Variants in MYT1L observed in about 807,000 individuals in gnomAD.
MYT1L encodes the protein myelin transcription factor 1-like protein.
MYT1L carries 12 observed loss-of-function variants against 126.7 expected under a neutral mutation model. The ratio of observed to expected loss-of-function variants is 0.09; its 90% CI spans 0.06 to 0.15. The LOEUF (loss-of-function observed/expected upper bound fraction) is 0.15, where lower values mean the gene tolerates loss of function less well. Among genes scored for constraint, MYT1L ranks in the 10% least tolerant of loss-of-function variants. MYT1L has a pLI of 1.00. For missense variants in MYT1L, 979 were observed against 1,585.2 expected (o/e 0.62, Z 6.49); for synonymous variants, 541 against 604.2 (o/e 0.90, Z 1.53).
intron 3 of MYT1L, among the ~76,000 whole-genome samples, chr2:2,072,617 C>T (rs2074734242): frequency 6.6e-6 from 1 of 152,034 alleles, no homozygotes; most frequent in South Asian, 2.1e-4. Flanking sequence ...GCTCTGTGTC[C>T]CCGCGCAAAT....
chr2:2,079,042 C>T (rs1461175679), intron 3 of MYT1L, among the ~76,000 whole-genome samples: 1 of 152,110 alleles, frequency 6.6e-6, no homozygotes, highest in Non-Finnish European at 1.5e-5. Context: ...CAAATGCCTG[C>T]CTATGAGGAA....
At chr2:2,133,269 C>T (rs913860772) in intron 3 of MYT1L, among the ~76,000 whole-genome samples, 4 of 152,172 alleles carry the variant, frequency 2.6e-5, no homozygotes, top group Non-Finnish European at 4.4e-5. Context: ...CTCCTACATA[C>T]AGTTAGTGTC....
At chr2:1,930,410 A>G (rs2054796321) in intron 9 of MYT1L, among the ~76,000 whole-genome samples, 1 of 152,226 alleles carries the variant, frequency 6.6e-6, no homozygotes, top group African/African-American at 2.4e-5. Flanking sequence ...AAATGCAGAC[A>G]TAATCTGATT....
intron 21 of MYT1L, among the ~76,000 whole-genome samples, chr2:1,812,648 C>T (rs1171794555): frequency 2.6e-5 from 4 of 152,014 alleles, no homozygotes; most frequent in East Asian, 1.9e-4. Flanking sequence ...GAGGCCGAGG[C>T]GGACAGATCA....
intron 3 of MYT1L, among the ~76,000 whole-genome samples, chr2:2,076,219 T>C (rs2075211483): frequency 6.6e-6 from 1 of 152,108 alleles, no homozygotes; most frequent in South Asian, 2.1e-4. Context: ...TCTCACACTC[T>C]TGGGAATCTA....
chr2:1,887,176 A>AC lies in MYT1L; in HGVS notation c.2642+311_2642+312insG. On this transcript the variant is annotated intron_variant, in intron 17 of 24. Coordinates refer to ENST00000647738, the MANE Select transcript of MYT1L (RefSeq NM_001303052.2). This position sits in a 1 kb window ranked among gnomAD's most constrained non-coding sequence, Gnocchi z 4.8. ...AAATAGTAAGTATGTTTAAAAAAAA[A>AC]AAAAACTTTTAAAAAAGTTTCATTG... The AC allele has an allele frequency of 2.4e-6, 1 of 420,870 alleles. No individual in the cohort carries two copies. Among genetic ancestry groups the AC allele is most frequent in the Non-Finnish European group, 4.2e-6 (1 of 239,826 alleles). 26.1% of individuals were successfully genotyped at this position (420,870 alleles called of 1,614,324 possible).
chr2:2,312,476 G>A lies in MYT1L; in HGVS notation c.-521+18491C>T, dbSNP rs1450940205. Among the ~76,000 whole-genome samples the A allele has an allele frequency of 2.0e-5, 3 of 152,012 alleles. No individual in the cohort carries two copies. The East Asian group carries it at 5.8e-4, about 29-fold the overall frequency. ...AAAAATTCAAAAATTAGCCAGGTGGGGTGACATGCACCTGCAGTCCCAGCT... is the reference window on the plus strand; with the variant it reads ...AAAAATTCAAAAATTAGCCAGGTGGAGTGACATGCACCTGCAGTCCCAGCT... On this transcript the variant is annotated intron_variant, in intron 1 of 24. Transcript: ENST00000647738.
intron 2 of MYT1L, among the ~76,000 whole-genome samples, chr2:2,203,646 G>A (rs952314349): frequency 6.6e-5 from 10 of 152,036 alleles, no homozygotes; most frequent in Non-Finnish European, 1.2e-4. Flanking sequence ...CCATGCTCAT[G>A]GATAGGAAGA....
chr2:1,979,837 G>C lies in MYT1L; in HGVS notation c.1-60C>G. ...CCTGCCTGTGCAGGCCAGCCCTGCAGGGGCGGCTCACTCTCCCTGGCATTC... is the reference window on the plus strand; with the variant it reads ...CCTGCCTGTGCAGGCCAGCCCTGCACGGGCGGCTCACTCTCCCTGGCATTC... On this transcript the variant is annotated intron_variant, in intron 5 of 24. Transcript: ENST00000647738. This position sits in a 1 kb window ranked among gnomAD's most constrained non-coding sequence, Gnocchi z 4.0. 1.3e-6 allele frequency: 2 copies of C among 1,556,952 alleles called. No homozygotes were observed. The highest frequency in any genetic ancestry group is 1.8e-6 in the Non-Finnish European group (2 of 1,130,714).
At chr2:2,219,763 A>G (rs563022700) in intron 2 of MYT1L, among the ~76,000 whole-genome samples, 3 of 152,246 alleles carry the variant, frequency 2.0e-5, no homozygotes, top group Non-Finnish European at 4.4e-5. Context: ...GAAACTGGAC[A>G]CAGTAGTGAG....
At chr2:2,245,876 G>C (rs1012649287) in intron 2 of MYT1L, among the ~76,000 whole-genome samples, 10 of 152,202 alleles carry the variant, frequency 6.6e-5, no homozygotes, top group Non-Finnish European at 1.2e-4. Flanking sequence ...GAACATGGAG[G>C]CTGGGGCTAG....
intron 21 of MYT1L, among the ~76,000 whole-genome samples, chr2:1,833,410 G>A (rs2040442828): frequency 6.6e-6 from 1 of 152,148 alleles, no homozygotes; most frequent in South Asian, 2.1e-4. Context: ...GCCTGGTACT[G>A]TCCTCAGTCT....
chr2:1,969,035 A>G (rs972445784), intron 8 of MYT1L, among the ~76,000 whole-genome samples: 28 of 152,224 alleles, frequency 1.8e-4, no homozygotes, highest in Admixed American at 1.4e-3. Flanking sequence ...CCTTTCTCAG[A>G]AAAATATAGC....
At chr2:1,999,511 CA>C (rs2062166696) in intron 4 of MYT1L, among the ~76,000 whole-genome samples, 1 of 151,644 alleles carries the variant, frequency 6.6e-6, no homozygotes, top group African/African-American at 2.4e-5. Context: ...GGTGTAAAGA[CA>C]AATGGAAAAT....
chr2:1,907,954 A>G (rs2148996265), intron 13 of MYT1L, among the ~76,000 whole-genome samples: 1 of 152,344 alleles, frequency 6.6e-6, no homozygotes, highest in Non-Finnish European at 1.5e-5. Context: ...GCCTCCCTGA[A>G]CAACCAGGAA....
At chr2:1,939,182 A>G (rs954523970) in intron 9 of MYT1L, among the ~76,000 whole-genome samples, 2 of 152,016 alleles carry the variant, frequency 1.3e-5, no homozygotes, top group South Asian at 2.1e-4. Flanking sequence ...CGGGAGTCAC[A>G]CTCCGCTCTG....
At chr2:2,094,714 T>C (rs947221926) in intron 3 of MYT1L, among the ~76,000 whole-genome samples, 11 of 144,946 alleles carry the variant, frequency 7.6e-5, no homozygotes, top group Admixed American at 5.7e-4. Context: ...TAGGTGGTAA[T>C]TGAATAATGA....
chr2:1,798,508 G>C (rs1364121076), intron 23 of MYT1L, among the ~76,000 whole-genome samples: 1 of 152,172 alleles, frequency 6.6e-6, no homozygotes, highest in African/African-American at 2.4e-5. Flanking sequence ...GCTTGGGCTT[G>C]GGACAGGCCT....
intron 18 of MYT1L, among the ~76,000 whole-genome samples, chr2:1,877,871 G>T (rs2047113775): frequency 6.6e-6 from 1 of 152,096 alleles, no homozygotes. Flanking sequence ...GGAAGTGCTG[G>T]GGTCCCCCTC....
Sources: allele counts gnomAD v4.1 joint callset (sites outside exome capture counted in the v4.1 genomes callset), GRCh38; gene constraint gnomAD v4.1.1; non-coding constraint Gnocchi (gnomAD v3.1); transcripts MANE v1.5; gene names NCBI Gene and HGNC (gene_info 2026-07-23, HGNC 2026-07-21).